The following GRM5 variants were observed in gnomAD, a reference collection of about 807,000 sequenced individuals.
GRM5 encodes glutamate metabotropic receptor 5.
Under a neutral mutation model 83.1 loss-of-function variants are expected in GRM5, and 19 were observed. The ratio of observed to expected loss-of-function variants is 0.23; its 90% CI spans 0.16 to 0.34. The LOEUF is 0.34. Among genes scored for constraint, GRM5 ranks in the 10% least tolerant of loss-of-function variants. The pLI is 1.00. For synonymous variants in GRM5, 675 were observed against 633.6 expected (o/e 1.07, Z -0.98); for missense variants, 1,160 against 1,588.3 (o/e 0.73, Z 4.58).
At chr11:88,983,841 G>A (rs1939604252) in intron 2 of GRM5, among the ~76,000 whole-genome samples, 1 of 152,042 alleles carries the variant, frequency 6.6e-6, no homozygotes. Flanking sequence ...ATTTTACAGT[G>A]AGAAAAGTGG....
intron 3 of GRM5, among the ~76,000 whole-genome samples, chr11:88,746,678 A>G (rs546305238): frequency 3.3e-5 from 5 of 152,172 alleles, no homozygotes; most frequent in Non-Finnish European, 7.4e-5. Flanking sequence ...AAAATAAATT[A>G]TCTGAGTTTC....
At chr11:88,889,798 G>A (rs144862523) in intron 2 of GRM5, among the ~76,000 whole-genome samples, 2,883 of 152,240 alleles carry the variant, frequency 0.019, 47 homozygotes, top group East Asian at 0.067. Context: ...ACTTCTGGTA[G>A]TCCTTGGGAA....
chr11:88,573,066 T>C (rs1354390883), intron 7 of GRM5, among the ~76,000 whole-genome samples: 1 of 152,174 alleles, frequency 6.6e-6, no homozygotes, highest in African/African-American at 2.4e-5. Flanking sequence ...TAACATCTAT[T>C]TAGGTATCTA....
chr11:88,873,737 C>A (rs1247978432), intron 2 of GRM5, among the ~76,000 whole-genome samples: 1 of 151,464 alleles, frequency 6.6e-6, no homozygotes, highest in African/African-American at 2.4e-5. Context: ...AAGTTTATAG[C>A]AAAAACACTT....
At chr11:88,520,862 A>G (rs894798272) in intron 9 of GRM5, among the ~76,000 whole-genome samples, 30 of 152,344 alleles carry the variant, frequency 2.0e-4, no homozygotes, top group African/African-American at 6.7e-4. Flanking sequence ...CTAAAATTAG[A>G]TGCTGCATAT....
chr11:88,947,831 T>C (rs1220985749), intron 2 of GRM5, among the ~76,000 whole-genome samples: 1 of 152,196 alleles, frequency 6.6e-6, no homozygotes, highest in Admixed American at 6.5e-5. Context: ...AGTCTTATCA[T>C]CTTTCCTCAT....
rs184919143 is a variant in GRM5, at chr11:88,950,265, T to C, written c.661+96947A>G. 8.6e-3 allele frequency among the ~76,000 whole-genome samples: 1,310 copies of C among 152,188 alleles called. 16 individuals carry two copies. The highest frequency in any genetic ancestry group is 0.029 in the African/African-American group (1,188 of 41,488). On this transcript the variant is annotated intron_variant, in intron 2 of 9. Coordinates refer to ENST00000305447, the MANE Select transcript of GRM5 (RefSeq NM_001143831.3). ...TGTGTTTAGAAAAATACCAGGAATA[T>C]GTTCTATGCTGTACTGTTAATTGAA...
intron 3 of GRM5, among the ~76,000 whole-genome samples, chr11:88,778,493 G>T (rs1444617800): frequency 6.6e-6 from 1 of 152,184 alleles, no homozygotes; most frequent in Non-Finnish European, 1.5e-5. Context: ...AGATCAACCA[G>T]GCACTTCAGT....
rs184546383 is a variant in GRM5 at position 88,863,004 on chromosome 11, T to G, written c.662-12849A>C. Among the ~76,000 whole-genome samples the G allele has an allele frequency of 3.6e-3, 549 of 152,126 alleles. 2 individuals carry two copies. Among genetic ancestry groups the G allele is most frequent in the African/African-American group, 0.013 (523 of 41,506 alleles). Reference sequence around the variant, plus strand: ...GATATTTATGCAGCCAACAAAGATATGAAAAAAAGCTCAACATCACTGATC... The same window carrying G: ...GATATTTATGCAGCCAACAAAGATAGGAAAAAAAGCTCAACATCACTGATC... On this transcript the variant is annotated intron_variant, in intron 2 of 9. Coordinates refer to ENST00000305447, the MANE Select transcript of GRM5 (RefSeq NM_001143831.3).
At chr11:88,559,694 A>G (rs567687636) in intron 8 of GRM5, among the ~76,000 whole-genome samples, 61 of 152,294 alleles carry the variant, frequency 4.0e-4, no homozygotes, top group Non-Finnish European at 7.1e-4. Flanking sequence ...TTTAACAAAC[A>G]TTTTTGAGTA....
chr11:88,833,975 C>A lies in GRM5; in HGVS notation c.911+15931G>T, dbSNP rs974773623. The stretch of plus-strand genomic sequence containing the variant: ...GAGAAGGGTGTGTACATGGGTAGGG[C>A]GTAAATAAGAGAGGTTGGTTAATGG... On this transcript the variant is annotated intron_variant, in intron 3 of 9. Transcript: ENST00000305447. Among the ~76,000 whole-genome samples the A allele has an allele frequency of 2.0e-5, 3 of 151,916 alleles. No individual in the cohort carries two copies. The East Asian group carries it at 5.8e-4, about 29-fold the overall frequency.
chr11:88,528,466 C>T (rs574965569), intron 8 of GRM5, among the ~76,000 whole-genome samples: 2 of 152,092 alleles, frequency 1.3e-5, no homozygotes, highest in East Asian at 1.9e-4. Flanking sequence ...ATAGTCTCAA[C>T]TGTTGAGTTT....
At chr11:88,986,109 G>A (rs556923694) in intron 2 of GRM5, among the ~76,000 whole-genome samples, 3 of 152,174 alleles carry the variant, frequency 2.0e-5, no homozygotes, top group Admixed American at 1.3e-4. Flanking sequence ...ATCCTTAAAT[G>A]GATGAACGTT....
At chr11:88,869,536 T>A (rs1269461677) in intron 2 of GRM5, among the ~76,000 whole-genome samples, 1 of 151,410 alleles carries the variant, frequency 6.6e-6, no homozygotes, top group Non-Finnish European at 1.5e-5. Flanking sequence ...AGGCATAAAT[T>A]TTTAAAAGTG....
chr11:88,775,694 T>C (rs1942831708), intron 3 of GRM5, among the ~76,000 whole-genome samples: 1 of 152,254 alleles, frequency 6.6e-6, no homozygotes, highest in African/African-American at 2.4e-5. Flanking sequence ...CATTTCGTTA[T>C]TTACCCAGTA....
At chr11:88,684,025 C>CA (rs544694212) in intron 3 of GRM5, among the ~76,000 whole-genome samples, 1 of 151,920 alleles carries the variant, frequency 6.6e-6, no homozygotes, top group Non-Finnish European at 1.5e-5. Context: ...GAACTAAGAC[C>CA]AAAAAAATTA....
At chr11:88,925,217 T>C (rs533163) in intron 2 of GRM5, among the ~76,000 whole-genome samples, 145,799 of 152,214 alleles carry the variant, frequency 0.96, 69,913 homozygotes, top group East Asian at 0.99. Flanking sequence ...TAACTGACAC[T>C]TATAAAATGG....
At chr11:88,923,541 A>G (rs550316180) in intron 2 of GRM5, among the ~76,000 whole-genome samples, 38 of 152,234 alleles carry the variant, frequency 2.5e-4, no homozygotes, top group African/African-American at 9.1e-4. Context: ...TGGTTACCAG[A>G]AGCTGGGAAG....
At chr11:88,736,386 C>T (rs1941914839) in intron 3 of GRM5, among the ~76,000 whole-genome samples, 1 of 151,980 alleles carries the variant, frequency 6.6e-6, no homozygotes, top group Admixed American at 6.6e-5. Flanking sequence ...TCTGAAGGTC[C>T]TGGAGGCTTG....
Sources: gnomAD v4.1 joint callset for allele counts (sites outside exome capture counted in the v4.1 genomes callset) on GRCh38, gnomAD v4.1.1 for gene constraint, MANE v1.5 for transcripts, NCBI Gene and HGNC (gene_info 2026-07-23, HGNC 2026-07-21) for gene names.